The following MACROD2 variants were observed in gnomAD, a reference collection of about 807,000 sequenced individuals.
MACROD2 encodes mono-ADP ribosylhydrolase 2, also known as ADP-ribose glycohydrolase MACROD2.
MACROD2 carries 36 observed loss-of-function variants against 70.4 expected under a neutral mutation model. That is an observed-to-expected ratio of 0.51 (90% CI 0.39 to 0.68). The LOEUF is 0.68. Ranked by LOEUF, MACROD2 falls within the 30% of genes least tolerant of loss-of-function variation. The probability of loss-of-function intolerance (pLI) is 0.00; values close to 1 mark genes in which losing one functional copy is unlikely to be tolerated. For synonymous variants in MACROD2, 172 were observed against 178.8 expected, an observed-to-expected ratio of 0.96 and a Z score of 0.30; for missense variants, 496 against 538.4, an observed-to-expected ratio of 0.92 and a Z score of 0.78.
chr20:14,922,567 T>G (rs2074176902), intron 5 of MACROD2, among the ~76,000 whole-genome samples: 1 of 152,216 alleles, frequency 6.6e-6, no homozygotes, highest in African/African-American at 2.4e-5. Flanking sequence ...TTCATTAACT[T>G]TTTTGGATCT....
At chr20:14,660,143 G>A (rs573496876) in intron 4 of MACROD2, among the ~76,000 whole-genome samples, 5 of 152,136 alleles carry the variant, frequency 3.3e-5, no homozygotes, top group South Asian at 2.1e-4. Flanking sequence ...CCTTCATCCC[G>A]TCTAGAGTTG....
intron 17 of MACROD2, among the ~76,000 whole-genome samples, 161 bp downstream of exon 17, chr20:16,044,800 C>T (rs144147617): frequency 5.9e-5 from 9 of 152,134 alleles, no homozygotes; most frequent in South Asian, 2.1e-4. Flanking sequence ...TAAGGGGAAA[C>T]GATCACCCCT....
Position 14,595,378 on chromosome 20 carries a change from A to G in MACROD2, c.302-89465A>G, listed in dbSNP as rs144612072. Among the ~76,000 whole-genome samples, 3 of 152,278 alleles carry G rather than the reference A, an allele frequency of 2.0e-5. No individual in the cohort carries two copies. In the East Asian group the frequency reaches 5.8e-4, roughly 29 times the overall value. On this transcript the variant is annotated intron_variant, in intron 4 of 17. Transcript: ENST00000684519. ...GGCAGACTGAACCCCTGTACCACCT[A>G]GGAAGAAGAGGGGCCAGCCTCGTCC... is the stretch of plus-strand genomic sequence containing the variant.
rs554540460 is a variant in MACROD2, at chr20:14,079,921, A to G, written c.164-5700A>G. On this transcript the variant is annotated intron_variant, in intron 2 of 17. Coordinates refer to ENST00000684519, the MANE Select transcript of MACROD2 (RefSeq NM_001351661.2). ...GTGAGCCAGCATCTTCCCTACCCCC[A>G]GTCTGTGGAAAAATTGTCATCCACA... Among the ~76,000 whole-genome samples the G allele has an allele frequency of 2.0e-5, 3 of 152,176 alleles. No homozygotes were observed. In the East Asian group the frequency reaches 5.8e-4, roughly 30 times the overall value.
chr20:15,012,758 C>G (rs2122938004), intron 5 of MACROD2, among the ~76,000 whole-genome samples: 1 of 152,278 alleles, frequency 6.6e-6, no homozygotes, highest in African/African-American at 2.4e-5. Flanking sequence ...GTTGTCTGCA[C>G]AGCTGCTGAC....
intron 3 of MACROD2, among the ~76,000 whole-genome samples, chr20:14,362,411 G>A (rs571916455): frequency 6.8e-4 from 103 of 152,264 alleles, no homozygotes; most frequent in African/African-American, 2.2e-3. Context: ...AGGCCCTGTG[G>A]TAGCTAGCGG....
intron 5 of MACROD2, among the ~76,000 whole-genome samples, chr20:15,035,560 A>G (rs2123010515): frequency 6.6e-6 from 1 of 152,258 alleles, no homozygotes; most frequent in Admixed American, 6.5e-5. Flanking sequence ...ACCCATCTGC[A>G]CTGTCAGGAA....
intron 3 of MACROD2, among the ~76,000 whole-genome samples, chr20:14,146,042 G>A (rs1374443239): frequency 6.6e-6 from 1 of 152,142 alleles, no homozygotes; most frequent in African/African-American, 2.4e-5. Flanking sequence ...TCTGTAAGTG[G>A]CCAGGCGCGG....
intron 4 of MACROD2, among the ~76,000 whole-genome samples, chr20:14,540,409 C>T (rs1033549876): frequency 3.9e-5 from 6 of 152,134 alleles, no homozygotes; most frequent in African/African-American, 1.4e-4. Flanking sequence ...CAACCTAACC[C>T]TTCCCCTGCC....
chr20:15,718,005 T>C (rs1190401012), intron 8 of MACROD2, among the ~76,000 whole-genome samples: 3 of 150,016 alleles, frequency 2.0e-5, no homozygotes, highest in African/African-American at 5.0e-5. Flanking sequence ...ATGTTTTTTA[T>C]TGTGTTTTCT....
intron 5 of MACROD2, among the ~76,000 whole-genome samples, chr20:15,093,365 T>C (rs1438589994): frequency 1.3e-5 from 2 of 152,198 alleles, no homozygotes; most frequent in Non-Finnish European, 2.9e-5. Context: ...GCCGGGGTCC[T>C]TTTCCATTGT....
At chr20:15,682,919 C>T (rs1372948178) in intron 8 of MACROD2, among the ~76,000 whole-genome samples, 1 of 152,090 alleles carries the variant, frequency 6.6e-6, no homozygotes, top group East Asian at 1.9e-4. Context: ...CTTTTAGAAA[C>T]TCTAAGTCAT....
chr20:14,762,057 C>A (rs1443766543), intron 5 of MACROD2, among the ~76,000 whole-genome samples: 1 of 152,064 alleles, frequency 6.6e-6, no homozygotes, highest in African/African-American at 2.4e-5. Context: ...CTCCTGCCAC[C>A]CTCTCCGCTC....
At chr20:15,881,129 A>G (rs1156733147) in intron 9 of MACROD2, among the ~76,000 whole-genome samples, 1 of 152,124 alleles carries the variant, frequency 6.6e-6, no homozygotes, top group Non-Finnish European at 1.5e-5. Flanking sequence ...GTAGAGCTCA[A>G]GAAATGGTTA....
rs182917653 is a variant in MACROD2, at chr20:15,933,801, A to G, written c.838+463A>G. Among the ~76,000 whole-genome samples, 878 of 152,290 alleles carry G rather than the reference A, an allele frequency of 5.8e-3. 4 individuals are homozygous for G. The highest frequency in any genetic ancestry group is 0.01 in the Non-Finnish European group (697 of 68,022). ...GCTATGCTTCAGGTTATTTCTCTGC[A>G]TATTGCAGGAGATGGTGTGATGGGC... On this transcript the variant is annotated intron_variant, in intron 11 of 17. Coordinates refer to ENST00000684519, the MANE Select transcript of MACROD2 (RefSeq NM_001351661.2).
At chr20:15,579,280 C>T (rs1308072068) in intron 8 of MACROD2, among the ~76,000 whole-genome samples, 4 of 151,062 alleles carry the variant, frequency 2.6e-5, no homozygotes, top group Non-Finnish European at 4.4e-5. Flanking sequence ...CAGTAGCAAG[C>T]TCTGCTTATC....
chr20:15,095,474 G>T (rs1478884167), intron 5 of MACROD2, among the ~76,000 whole-genome samples: 2 of 151,884 alleles, frequency 1.3e-5, no homozygotes, highest in Non-Finnish European at 2.9e-5. Flanking sequence ...TGACCTCTTT[G>T]TAGAAGATTT....
intron 8 of MACROD2, among the ~76,000 whole-genome samples, chr20:15,729,596 A>G (rs6074946): frequency 0.59 from 89,102 of 151,994 alleles, 28,252 homozygotes; most frequent in Middle Eastern, 0.73. Context: ...TATTTAGGAT[A>G]TTAGGTATTC....
At chr20:14,333,217 A>G (rs1442703557) in intron 3 of MACROD2, among the ~76,000 whole-genome samples, 1 of 152,088 alleles carries the variant, frequency 6.6e-6, no homozygotes, top group Admixed American at 6.6e-5. Context: ...TCCTTGTTTC[A>G]TTTATGGAAA....
Sources: gnomAD v4.1 joint callset for allele counts (sites outside exome capture counted in the v4.1 genomes callset) on GRCh38, gnomAD v4.1.1 for gene constraint, MANE v1.5 for transcripts, NCBI Gene and HGNC (gene_info 2026-07-23, HGNC 2026-07-21) for gene names.